SEMA6D: variants seen among roughly 807,000 people sequenced by gnomAD.
The protein encoded by SEMA6D is semaphorin-6D.
In SEMA6D, 35 loss-of-function variants were observed where a neutral mutation model predicts 106.6. The ratio of observed to expected loss-of-function variants is 0.33; its 90% CI spans 0.25 to 0.44. The LOEUF (loss-of-function observed/expected upper bound fraction) is 0.44. SEMA6D is among the 20% of genes least tolerant of loss of function. SEMA6D has a pLI of 1.00. For synonymous variants in SEMA6D, 499 were observed against 487.7 expected (o/e 1.02, Z -0.31); for missense variants, 1,185 against 1,345.9 (o/e 0.88, Z 1.87).
At chr15:47,450,605 G>A (rs527598424) in intron 2 of SEMA6D, among the ~76,000 whole-genome samples, 1 of 151,940 alleles carries the variant, frequency 6.6e-6, no homozygotes, top group African/African-American at 2.4e-5. Flanking sequence ...GATTTTTCTA[G>A]TGTGTGTGCT....
At chr15:47,560,771 G>C (rs1318184664) in intron 3 of SEMA6D, among the ~76,000 whole-genome samples, 1 of 151,978 alleles carries the variant, frequency 6.6e-6, no homozygotes, top group Non-Finnish European at 1.5e-5. Context: ...GTGTGCCCTA[G>C]TCCAGTATTA....
intron 1 of SEMA6D, among the ~76,000 whole-genome samples, chr15:47,240,781 G>C (rs981612712): frequency 6.6e-6 from 1 of 152,124 alleles, no homozygotes; most frequent in African/African-American, 2.4e-5. Context: ...CAAATTCATT[G>C]ATTAGTCAAG....
intron 1 of SEMA6D, among the ~76,000 whole-genome samples, chr15:47,225,723 T>C (rs2031605479): frequency 6.6e-6 from 1 of 151,762 alleles, no homozygotes. Context: ...AGAGATGGGG[T>C]TTCTCCGTGT....
intron 4 of SEMA6D, among the ~76,000 whole-genome samples, chr15:47,677,889 T>C (rs1226362330): frequency 6.6e-6 from 1 of 152,120 alleles, no homozygotes; most frequent in Non-Finnish European, 1.5e-5. Context: ...TTAAAGACTT[T>C]TCACAAAAGC....
intron 3 of SEMA6D, among the ~76,000 whole-genome samples, chr15:47,476,525 T>C (rs2043004711): frequency 6.6e-6 from 1 of 152,200 alleles, no homozygotes; most frequent in African/African-American, 2.4e-5. Context: ...AGCTTAGAAA[T>C]GGCTTAAAAT....
intron 1 of SEMA6D, among the ~76,000 whole-genome samples, chr15:47,288,584 C>G (rs556523853): frequency 1.3e-5 from 2 of 152,226 alleles, no homozygotes; most frequent in South Asian, 4.2e-4. Flanking sequence ...CTATAATGGC[C>G]TTTTGCCATT....
chr15:47,315,903 T>C (rs913891082), intron 1 of SEMA6D, among the ~76,000 whole-genome samples: 2 of 152,102 alleles, frequency 1.3e-5, no homozygotes, highest in Non-Finnish European at 1.5e-5. Context: ...TGCTGATATA[T>C]AGGAGAATAA....
At chr15:47,603,845 G>C (rs531742593) in intron 4 of SEMA6D, 1 of 151,942 alleles carries the variant, frequency 6.6e-6, no homozygotes, top group Non-Finnish European at 1.5e-5. Flanking sequence ...CCTTTTGAGT[G>C]TCTAAGAACC....
chr15:47,569,650 T>G (rs1222749035), intron 3 of SEMA6D, among the ~76,000 whole-genome samples: 1 of 152,130 alleles, frequency 6.6e-6, no homozygotes, highest in East Asian at 1.9e-4. Flanking sequence ...ACTGACTACT[T>G]CCACCTTTAA....
At chr15:47,543,681 A>T (rs1566873897) in intron 3 of SEMA6D, among the ~76,000 whole-genome samples, 2 of 151,806 alleles carry the variant, frequency 1.3e-5, no homozygotes, top group African/African-American at 4.8e-5. Context: ...TTTTTAAATT[A>T]TTTTTTTTCA....
intron 1 of SEMA6D, among the ~76,000 whole-genome samples, chr15:47,241,896 C>T (rs28584581): frequency 2.2e-3 from 337 of 152,112 alleles, no homozygotes; most frequent in African/African-American, 8.0e-3. Context: ...AATTTCCCTC[C>T]CTGTATTTCT....
chr15:47,598,648 TAA>T (rs1441465247), intron 3 of SEMA6D, among the ~76,000 whole-genome samples: 3 of 152,278 alleles, frequency 2.0e-5, no homozygotes, highest in Admixed American at 1.3e-4. Context: ...CTACATTTTT[TAA>T]AAGTCTTTCC....
chr15:47,760,534 A>G, intron 3 of SEMA6D, 119 bp downstream of exon 3: 1 of 727,972 alleles, frequency 1.4e-6, no homozygotes, highest in Non-Finnish European at 2.3e-6. Flanking sequence ...GCAAGTAGCC[A>G]GAAATATTCA....
chr15:47,189,778 A>G (rs1198056713), intron 1 of SEMA6D, among the ~76,000 whole-genome samples: 1 of 152,250 alleles, frequency 6.6e-6, no homozygotes, highest in African/African-American at 2.4e-5. Context: ...ATGATAAATA[A>G]TGATCATTTA....
At chr15:47,363,628 G>A (rs994729022) in intron 1 of SEMA6D, among the ~76,000 whole-genome samples, 5 of 152,134 alleles carry the variant, frequency 3.3e-5, no homozygotes, top group Middle Eastern at 6.3e-3. Flanking sequence ...TGACCAGGGG[G>A]CGATTTCATC....
chr15:47,610,149 A>G (rs2076866991), intron 4 of SEMA6D, among the ~76,000 whole-genome samples: 2 of 152,118 alleles, frequency 1.3e-5, no homozygotes, highest in African/African-American at 4.8e-5. Flanking sequence ...CAAAGGTTCT[A>G]TTTTTGCTTC....
At chr15:47,491,791 C>A (rs572583630) in intron 3 of SEMA6D, among the ~76,000 whole-genome samples, 11 of 152,126 alleles carry the variant, frequency 7.2e-5, no homozygotes, top group Non-Finnish European at 1.5e-4. Context: ...CCAAAGAAAT[C>A]TCATTCTATG....
At chr15:47,388,921 G>T (rs1414253166) in intron 1 of SEMA6D, among the ~76,000 whole-genome samples, 1 of 152,180 alleles carries the variant, frequency 6.6e-6, no homozygotes, top group Non-Finnish European at 1.5e-5. Context: ...TCTGCCATTT[G>T]CTTAGGAGCA....
intron 1 of SEMA6D, chr15:47,412,281 A>G (rs1381103512): frequency 6.6e-6 from 1 of 152,544 alleles, no homozygotes; most frequent in African/African-American, 2.4e-5. Context: ...TTATCATTAA[A>G]GCAGCAGCAG....
Sources: gnomAD v4.1 joint callset for allele counts (sites outside exome capture counted in the v4.1 genomes callset) on GRCh38, gnomAD v4.1.1 for gene constraint, MANE v1.5 for transcripts, NCBI Gene and HGNC (gene_info 2026-07-23, HGNC 2026-07-21) for gene names.